The following TAPT1 variants were observed in gnomAD, a reference collection of about 807,000 sequenced individuals.
TAPT1 encodes transmembrane anterior posterior transformation protein 1 homolog.
A neutral mutation model predicts 65.6 loss-of-function variants in TAPT1; 28 were observed. That is an observed-to-expected ratio of 0.43 (90% CI 0.32 to 0.59). The LOEUF is 0.59. Ranked by LOEUF, TAPT1 falls within the 20% of genes least tolerant of loss-of-function variation. The pLI is 0.09. For missense variants in TAPT1, 563 were observed against 679.9 expected, an observed-to-expected ratio of 0.83 and a Z score of 1.91; for synonymous variants, 278 against 245.2, an observed-to-expected ratio of 1.13 and a Z score of -1.25.
intron 1 of TAPT1, among the ~76,000 whole-genome samples, chr4:16,215,435 A>G (rs1313329037): frequency 3.3e-5 from 5 of 152,146 alleles, no homozygotes; most frequent in African/African-American, 1.2e-4. Flanking sequence ...TTCTTTGAGT[A>G]TTATGTCAAG....
intron 12 of TAPT1, among the ~76,000 whole-genome samples, chr4:16,169,868 A>C (rs1248480419): frequency 6.6e-6 from 1 of 152,208 alleles, no homozygotes; most frequent in African/African-American, 2.4e-5. Flanking sequence ...AAGCCAATCC[A>C]CCGCTCAAGT....
chr4:16,167,476 T>C (rs928198346), intron 12 of TAPT1, among the ~76,000 whole-genome samples: 14 of 152,232 alleles, frequency 9.2e-5, no homozygotes, highest in Admixed American at 2.6e-4. Context: ...TATGTTATCT[T>C]TCCGTCGCTT....
chr4:16,186,891 C>A lies in TAPT1; in HGVS notation c.749-13G>T. ...ATTGCATGCAAAACTAATAGAAGGT[C>A]AAGGAAAAAACTTAAATTTGCTTTC... On this transcript the variant is annotated splice_polypyrimidine_tract_variant and intron_variant, in intron 5 of 13. Coordinates refer to ENST00000405303, the MANE Select transcript of TAPT1 (RefSeq NM_153365.3). The A allele has an allele frequency of 1.3e-6, 2 of 1,558,850 alleles. No individual in the cohort carries two copies. Among genetic ancestry groups the A allele is most frequent in the South Asian group, 2.3e-5 (2 of 87,546 alleles).
At chr4:16,188,071 A>G in intron 5 of TAPT1, 149 bp downstream of exon 5, 1 of 669,314 alleles carries the variant, frequency 1.5e-6, no homozygotes, top group East Asian at 3.1e-5. Context: ...ATGACAATCA[A>G]TTTCTCAACA....
chr4:16,190,145 C>G (rs1317136184), intron 4 of TAPT1: 2 of 152,154 alleles, frequency 1.3e-5, no homozygotes, highest in African/African-American at 2.4e-5. Context: ...ACCAGGAAGG[C>G]TAGAGCTCCA....
In TAPT1 at chr4:16,163,113, G is replaced by A. The variant is rs565370336; in HGVS notation, c.*195C>T. 14 of 647,692 alleles carry A rather than the reference G, an allele frequency of 2.2e-5. No individual in the cohort carries two copies. Among genetic ancestry groups the A allele is most frequent in the South Asian group, 4.6e-5 (3 of 65,678 alleles). The allele number at this position is 647,692 out of a possible 1,614,324, so 40.1% of individuals were successfully genotyped here. A position where few individuals can be genotyped will look rare whatever the true frequency, so the allele number is the denominator to read the frequency against. Reference sequence around the variant, plus strand: ...TCAAGCTTCCCAGACAGTCAAGGCCGGAGGTCGCTCCTGTCCTGTGGTCTG... The same window carrying A: ...TCAAGCTTCCCAGACAGTCAAGGCCAGAGGTCGCTCCTGTCCTGTGGTCTG... On this transcript the variant is annotated 3_prime_UTR_variant, in exon 14 of 14. Coordinates refer to ENST00000405303, the MANE Select transcript of TAPT1 (RefSeq NM_153365.3).
intron 1 of TAPT1, among the ~76,000 whole-genome samples, chr4:16,224,943 C>T (rs941593394): frequency 2.6e-5 from 4 of 152,210 alleles, no homozygotes; most frequent in Admixed American, 1.3e-4. Context: ...ATAGTGAAGC[C>T]TGGCTACATC....
chr4:16,167,729 C>T (rs1050197857), intron 12 of TAPT1, among the ~76,000 whole-genome samples: 4 of 152,098 alleles, frequency 2.6e-5, no homozygotes, highest in African/African-American at 9.7e-5. Flanking sequence ...AAATGGCAAG[C>T]AATTTTGTTA....
At chr4:16,221,121 C>CTT (rs11414718) in intron 1 of TAPT1, among the ~76,000 whole-genome samples, 14 of 150,872 alleles carry the variant, frequency 9.3e-5, no homozygotes, top group Non-Finnish European at 1.3e-4. Context: ...TATATATATA[C>CTT]TTTTTTTTTG....
At chr4:16,192,036 ATAAC>A (rs1400320046) in intron 3 of TAPT1, among the ~76,000 whole-genome samples, 1 of 152,256 alleles carries the variant, frequency 6.6e-6, no homozygotes, top group Non-Finnish European at 1.5e-5. Flanking sequence ...TATTTAACGT[ATAAC>A]TGACAGATTT....
At chr4:16,183,456 A>G (rs941574279) in intron 7 of TAPT1, among the ~76,000 whole-genome samples, 9 of 152,066 alleles carry the variant, frequency 5.9e-5, no homozygotes, top group African/African-American at 2.2e-4. Flanking sequence ...AATCTTTCTA[A>G]GCTAAGAGGT....
intron 1 of TAPT1, among the ~76,000 whole-genome samples, chr4:16,221,923 G>C (rs951856231): frequency 1.4e-4 from 22 of 152,140 alleles, no homozygotes; most frequent in Non-Finnish European, 3.2e-4. Context: ...CAAACATTAA[G>C]TAAAGAACCA....
At chr4:16,166,098 CG>C (rs1747597828) in intron 13 of TAPT1, among the ~76,000 whole-genome samples, 1 of 152,188 alleles carries the variant, frequency 6.6e-6, no homozygotes, top group African/African-American at 2.4e-5. Flanking sequence ...TCCTTTGATG[CG>C]CCAAGCATCT....
chr4:16,174,201 T>C lies in TAPT1; in HGVS notation c.1236+3A>G. ...CAAAAAACATTAAAAAGTATGCACTTACTAAAACAGCTAGTGGGAGAGGAA... is the reference window on the plus strand; with the variant it reads ...CAAAAAACATTAAAAAGTATGCACTCACTAAAACAGCTAGTGGGAGAGGAA... On this transcript the variant is annotated splice_donor_region_variant and intron_variant, in intron 11 of 13. Coordinates refer to ENST00000405303, the MANE Select transcript of TAPT1 (RefSeq NM_153365.3). 6.3e-7 allele frequency: 1 copy of C among 1,599,190 alleles called. No individual in the cohort carries two copies. The highest frequency in any genetic ancestry group is 2.2e-5 in the East Asian group (1 of 44,486).
chr4:16,170,512 A>C, intron 12 of TAPT1, 141 bp downstream of exon 12: 6 of 520,168 alleles, frequency 1.2e-5, no homozygotes, highest in Non-Finnish European at 2.1e-5. Context: ...GTCACAAATA[A>C]ATACACTTGG....
At chr4:16,225,421 T>C (rs1287502499) in intron 1 of TAPT1, among the ~76,000 whole-genome samples, 1 of 152,242 alleles carries the variant, frequency 6.6e-6, no homozygotes, top group Non-Finnish European at 1.5e-5. Context: ...GGAGTTATGG[T>C]TCAGTTGCTG....
intron 8 of TAPT1, 121 bp downstream of exon 8, chr4:16,179,456 A>G: frequency 1.7e-6 from 1 of 580,486 alleles, no homozygotes; most frequent in South Asian, 2.7e-5. Flanking sequence ...ACCAATACCC[A>G]AACAGTAAAA....
At position 16,174,676 on chromosome 4, in the gene TAPT1, C is replaced by G. The variant is rs762345005; in HGVS notation, c.1161G>C (p.Gln387His). 156 of 1,591,536 alleles carry G rather than the reference C, an allele frequency of 9.8e-5. 3 individuals carry two copies. The South Asian group carries it at 1.7e-3, about 18-fold the overall frequency. Residue 387 changes from glutamine to histidine, a missense_variant, in exon 10 of 14, where the codon CAG (glutamine) becomes CAC (histidine). Transcript: ENST00000405303. Reference protein sequence around the residue: ...SLAFDLVSSRQKNAYTDYSDS... With the variant: ...SLAFDLVSSRHKNAYTDYSDS... ...GCCCTTGATAAATGCTCACATTTTT[C>G]TGTCGGCTGCTAACAAGGTCAAAAG...
At chr4:16,180,123 TC>T (rs1452299073) in intron 7 of TAPT1, among the ~76,000 whole-genome samples, 1 of 152,108 alleles carries the variant, frequency 6.6e-6, no homozygotes, top group Non-Finnish European at 1.5e-5. Context: ...AACTGATGAG[TC>T]CTTTAGCTGA....
Sources: gnomAD v4.1 joint callset for allele counts (sites outside exome capture counted in the v4.1 genomes callset) on GRCh38, gnomAD v4.1.1 for gene constraint, MANE v1.5 for transcripts, NCBI Gene and HGNC (gene_info 2026-07-23, HGNC 2026-07-21) for gene names.